Variants in LOXL4 observed in about 807,000 individuals in gnomAD.
LOXL4 encodes lysyl oxidase homolog 4.
Under a neutral mutation model 89.1 loss-of-function variants are expected in LOXL4, and 72 were observed. The observed-to-expected ratio is 0.81, with a 90% CI of 0.67 to 0.98. The LOEUF is 0.98. Among genes scored for constraint, LOXL4 ranks in the 50% least tolerant of loss-of-function variants. The pLI is 0.00. For synonymous variants in LOXL4, 355 were observed against 392.1 expected, an observed-to-expected ratio of 0.91 and a Z score of 1.12; for missense variants, 984 against 1,017.5, an observed-to-expected ratio of 0.97 and a Z score of 0.45.
At chr10:98,252,151 ATG>A in intron 12 of LOXL4, 200 bp downstream of exon 12, 1 of 562,830 alleles carries the variant, frequency 1.8e-6, no homozygotes, top group Non-Finnish European at 3.2e-6. Context: ...AAGAAGAACA[ATG>A]CGTGGGGAAT....
At chr10:98,251,769 T>C (rs72828469) in intron 12 of LOXL4, 67 bp from the exon 13 acceptor site, 115 of 1,575,040 alleles carry the variant, frequency 7.3e-5, no homozygotes, top group Non-Finnish European at 9.5e-5. Context: ...TTTATTTCCT[T>C]TACCAGTTCA....
At chr10:98,258,931 C>G in intron 6 of LOXL4, 78 bp downstream of exon 6, 5 of 1,211,262 alleles carry the variant, frequency 4.1e-6, no homozygotes, top group Non-Finnish European at 5.7e-6. Flanking sequence ...TGTCCTGGAC[C>G]TCCCCGCACC....
At chr10:98,267,060 C>T (rs550757785) in intron 1 of LOXL4, among the ~76,000 whole-genome samples, 3 of 152,140 alleles carry the variant, frequency 2.0e-5, no homozygotes, top group Non-Finnish European at 4.4e-5. Context: ...AATAACTATA[C>T]ATTTTAAAAT....
Position 98,256,867 on chromosome 10 carries a change from C to T in LOXL4, c.1341G>A (p.Gly447=). The change falls in exon 9 of 15, where the codon GGG becomes GGA. Residue 447 remains glycine (G), a synonymous_variant. Coordinates refer to ENST00000260702, the MANE Select transcript of LOXL4 (RefSeq NM_032211.7). ...GCCCCCAGTTTTCACTGCACACGCT[C>T]CCCCAGCGTGGGACCCCGTTCACCT... The part of the protein sequence containing the change: ...QVEVNGVPRW[G]SVCSENWGLT... The T allele has an allele frequency of 6.8e-6, 11 of 1,614,136 alleles. No individual in the cohort carries two copies. Among genetic ancestry groups the T allele is most frequent in the Non-Finnish European group, 9.3e-6 (11 of 1,179,984 alleles).
chr10:98,250,819 TCAAA>T (rs957044114), intron 14 of LOXL4, among the ~76,000 whole-genome samples: 7 of 152,192 alleles, frequency 4.6e-5, no homozygotes, highest in Non-Finnish European at 8.8e-5. Context: ...GAGTTTACAA[TCAAA>T]CAGCCTTAAG....
Position 98,248,905 on chromosome 10 carries a change from G to A in LOXL4, c.*16C>T, listed in dbSNP as rs536271475. The A allele has an allele frequency of 6.2e-7, 1 of 1,607,988 alleles. No homozygotes were observed. Among genetic ancestry groups the A allele is most frequent in the African/African-American group, 1.3e-5 (1 of 74,978 alleles). On this transcript the variant is annotated 3_prime_UTR_variant, in exon 15 of 15. Coordinates refer to ENST00000260702, the MANE Select transcript of LOXL4 (RefSeq NM_032211.7). ...TCTGGTGTATCGGCAGCAGCTAGGA[G>A]TGTGCAGTGACAGCTTCAGATGAGG...
chr10:98,259,031 T>A lies in LOXL4; in HGVS notation c.899A>T (p.Gln300Leu). 6.4e-7 allele frequency: 1 copy of A among 1,555,230 alleles called. No individual in the cohort carries two copies. Among genetic ancestry groups the A allele is most frequent in the Non-Finnish European group, 8.7e-7 (1 of 1,148,560 alleles). The change falls in exon 6 of 15, where the codon CAA becomes CTA. Residue 300 changes from glutamine (Q) to leucine (L), a missense_variant. Coordinates refer to ENST00000260702, the MANE Select transcript of LOXL4 (RefSeq NM_032211.7). ...PHFRPPKTKP[Q>L]RKGSWAEEPR... ...CACCTCTGCCCAGGACCCTTTGCGT[T>A]GTGGCTTTGTCTTCGGTGGGCGGAA...
rs2135833532 is a variant in LOXL4 at position 98,257,056 on chromosome 10, G to T, written c.1261-109C>A. 4 of 1,308,438 alleles carry T rather than the reference G, an allele frequency of 3.1e-6. No individual in the cohort carries two copies. The South Asian group carries it at 5.9e-5, about 19-fold the overall frequency. The allele number at this position is 1,308,438 out of a possible 1,614,324, so 81.1% of individuals were successfully genotyped here. On this transcript the variant is annotated intron_variant, in intron 8 of 14. Transcript: ENST00000260702. Reference sequence around the variant, plus strand: ...CAGCTCACTGTGTCACCCTAGACAAGACAGTCCCCTTCTCTGCCTTGGTCT... The same window carrying T: ...CAGCTCACTGTGTCACCCTAGACAATACAGTCCCCTTCTCTGCCTTGGTCT...
At chr10:98,267,212 AG>A (rs1261155063) in intron 1 of LOXL4, among the ~76,000 whole-genome samples, 1 of 151,884 alleles carries the variant, frequency 6.6e-6, no homozygotes, top group African/African-American at 2.4e-5. Flanking sequence ...ATGTTGGAAG[AG>A]GGGGAGGAGG....
chr10:98,266,152 G>A (rs1429750787), intron 1 of LOXL4, among the ~76,000 whole-genome samples: 2 of 152,176 alleles, frequency 1.3e-5, no homozygotes, highest in African/African-American at 4.8e-5. Context: ...CAGATGGCAA[G>A]AAAGGATGGG....
Position 98,247,789 on chromosome 10 carries a change from T to C in LOXL4, c.*1132A>G, listed in dbSNP as rs1012186754. Reference sequence around the variant, plus strand: ...GTCTCAGTGGAGAAAAGATCAAGAATCATGTCAAGAAGACCATGGGGTTTT... The same window carrying C: ...GTCTCAGTGGAGAAAAGATCAAGAACCATGTCAAGAAGACCATGGGGTTTT... On this transcript the variant is annotated 3_prime_UTR_variant, in exon 15 of 15. Transcript: ENST00000260702. 4 of 152,162 alleles carry C rather than the reference T, an allele frequency of 2.6e-5. No homozygotes were observed. The highest frequency in any genetic ancestry group is 9.7e-5 in the African/African-American group (4 of 41,426). 9.4% of individuals were successfully genotyped at this position (152,162 alleles called of 1,614,324 possible). A position where few individuals can be genotyped will look rare whatever the true frequency, so the allele number is the denominator to read the frequency against.
intron 1 of LOXL4, among the ~76,000 whole-genome samples, chr10:98,264,226 T>A (rs565770879): frequency 2.7e-5 from 4 of 150,238 alleles, no homozygotes; most frequent in Non-Finnish European, 5.9e-5. Context: ...CTCCCTACCT[T>A]CATGAAGCTC....
chr10:98,261,257 A>C (rs1035330883), intron 3 of LOXL4, 130 bp from the exon 4 acceptor site: 1 of 932,266 alleles, frequency 1.1e-6, no homozygotes, highest in Non-Finnish European at 1.6e-6. Flanking sequence ...CGGTCATTGA[A>C]CAGGCCAGGA....
In LOXL4 at chr10:98,259,157, A is replaced by C; in HGVS notation, c.773T>G (p.Met258Arg). 6.2e-7 allele frequency: 1 copy of C among 1,612,250 alleles called. No individual in the cohort carries two copies. Among genetic ancestry groups the C allele is most frequent in the Non-Finnish European group, 8.5e-7 (1 of 1,179,844 alleles). Residue 258 changes from methionine (M) to arginine (R), a missense_variant, in exon 6 of 15, where the codon ATG becomes AGG. Transcript: ENST00000260702. ...AGCCACCTGCACCTGGCAGTTGGCC[A>C]TGTGGGGCTCTGTCCCCAGGCAGGT... is the stretch of plus-strand genomic sequence containing the variant. ...QVTCLGTEPHMANCQVQVAPA... is the reference protein window; with the variant it reads ...QVTCLGTEPHRANCQVQVAPA...
chr10:98,257,864 C>G, intron 7 of LOXL4, 60 bp from the exon 8 acceptor site: 1 of 1,582,162 alleles, frequency 6.3e-7, no homozygotes. Context: ...ACACTTGTGG[C>G]TTCCCCTTCA....
rs1206585492 is a variant in LOXL4, at chr10:98,252,397, C to G, written c.1907G>C (p.Gly636Ala). The G allele has an allele frequency of 6.2e-7, 1 of 1,614,110 alleles. No homozygotes were observed. Among genetic ancestry groups the G allele is most frequent in the South Asian group, 1.1e-5 (1 of 91,082 alleles). ...LTLNGSKVAEGHKASFCLEDT... is the reference protein window; with the variant it reads ...LTLNGSKVAEAHKASFCLEDT... ...CTCCAGACAGAAGCTGGCCTTGTGC[C>G]CCTCAGCCACCTTGGAGCCATTGAG... The change falls in exon 12 of 15, where the codon GGG becomes GCG. Residue 636 changes from glycine (G) to alanine (A), a missense_variant. By Grantham distance (60) the Gly-to-Ala change is moderately conservative (BLOSUM62 0). Coordinates refer to ENST00000260702, the MANE Select transcript of LOXL4 (RefSeq NM_032211.7).
At chr10:98,255,287 C>G (rs1366340947) in intron 10 of LOXL4, among the ~76,000 whole-genome samples, 3 of 152,238 alleles carry the variant, frequency 2.0e-5, no homozygotes, top group Admixed American at 2.0e-4. Flanking sequence ...GTTTTCTGTC[C>G]TGTTTCATTG....
At chr10:98,255,909 T>C (rs577410865) in intron 9 of LOXL4, 170 bp from the exon 10 acceptor site, 264 of 691,756 alleles carry the variant, frequency 3.8e-4, no homozygotes, top group Non-Finnish European at 6.6e-5. Flanking sequence ...ATGACACATT[T>C]GGACCCTTCT....
chr10:98,250,403 T>C (rs1564754653), intron 14 of LOXL4, among the ~76,000 whole-genome samples: 1 of 152,208 alleles, frequency 6.6e-6, no homozygotes, highest in African/African-American at 2.4e-5. Flanking sequence ...AACACAATAG[T>C]GAGCCTTAGT....
Sources: gnomAD v4.1 joint callset for allele counts (sites outside exome capture counted in the v4.1 genomes callset) on GRCh38, gnomAD v4.1.1 for gene constraint, MANE v1.5 for transcripts, NCBI Gene and HGNC (gene_info 2026-07-23, HGNC 2026-07-21) for gene names.